GPATCH2: variants seen among roughly 807,000 people sequenced by gnomAD.
GPATCH2 encodes the protein G-patch domain containing 2.
GPATCH2 carries 51 observed loss-of-function variants against 58.0 expected under a neutral mutation model. The observed-to-expected ratio is 0.88, with a 90% confidence interval of 0.70 to 1.11. The LOEUF (loss-of-function observed/expected upper bound fraction) is 1.11, where lower values mean the gene tolerates loss of function less well. Among genes scored for constraint, GPATCH2 ranks in the 50% most tolerant of loss-of-function variants. The pLI is 0.00. For synonymous variants in GPATCH2, 222 were observed against 218.5 expected, an observed-to-expected ratio of 1.02 and a Z score of -0.14; for missense variants, 625 against 652.2, an observed-to-expected ratio of 0.96 and a Z score of 0.45.
chr1:217,500,751 T>G (rs566686145), intron 6 of GPATCH2, among the ~76,000 whole-genome samples: 178 of 151,802 alleles, frequency 1.2e-3, no homozygotes, highest in African/African-American at 4.0e-3. Flanking sequence ...TTAGTTTTTG[T>G]TTTTTTTCTC....
intron 8 of GPATCH2, among the ~76,000 whole-genome samples, chr1:217,452,499 T>C (rs1412633191): frequency 6.6e-6 from 1 of 152,188 alleles, no homozygotes; most frequent in African/African-American, 2.4e-5. Context: ...ATTTACTTTG[T>C]TTTTGCACTA....
intron 5 of GPATCH2, among the ~76,000 whole-genome samples, chr1:217,529,589 C>A (rs373014087): frequency 1.0e-3 from 157 of 152,270 alleles, no homozygotes; most frequent in African/African-American, 3.7e-3. Flanking sequence ...CCTTGAAATT[C>A]TCAGCATGCA....
intron 5 of GPATCH2, among the ~76,000 whole-genome samples, chr1:217,549,161 C>T (rs1165815756): frequency 6.6e-6 from 1 of 152,200 alleles, no homozygotes; most frequent in East Asian, 1.9e-4. Flanking sequence ...AAGGCCACAG[C>T]CTCTCAGTTC....
intron 5 of GPATCH2, among the ~76,000 whole-genome samples, chr1:217,587,412 T>C (rs1176819956): frequency 6.6e-6 from 1 of 152,092 alleles, no homozygotes; most frequent in Non-Finnish European, 1.5e-5. Flanking sequence ...AAATCCGAGA[T>C]TAAATTTTTA....
chr1:217,512,779 C>T (rs1294213838), intron 6 of GPATCH2, among the ~76,000 whole-genome samples: 2 of 152,178 alleles, frequency 1.3e-5, no homozygotes, highest in South Asian at 2.1e-4. Flanking sequence ...AGATGATAAA[C>T]CCCTTACTTT....
At chr1:217,476,543 A>G (rs966401512) in intron 8 of GPATCH2, among the ~76,000 whole-genome samples, 6 of 152,236 alleles carry the variant, frequency 3.9e-5, no homozygotes, top group African/African-American at 1.4e-4. Flanking sequence ...CTGGTGGTGT[A>G]GTATGAAAGC....
intron 5 of GPATCH2, among the ~76,000 whole-genome samples, chr1:217,552,596 AG>A (rs1665418978): frequency 6.6e-6 from 1 of 152,176 alleles, no homozygotes; most frequent in African/African-American, 2.4e-5. Context: ...CAGGCCCCAA[AG>A]GGGTTCCAAA....
At chr1:217,621,051 C>T (rs1318753524) in intron 1 of GPATCH2, among the ~76,000 whole-genome samples, 1 of 152,210 alleles carries the variant, frequency 6.6e-6, no homozygotes, top group Non-Finnish European at 1.5e-5. Context: ...TTAGGCCACA[C>T]TAATCTCTTA....
At position 217,628,486 on chromosome 1, in the gene GPATCH2, A is replaced by G. The variant is rs563446457; in HGVS notation, c.56+2430T>C. 1.4e-4 allele frequency among the ~76,000 whole-genome samples: 21 copies of G among 152,208 alleles called. No homozygotes were observed. In the East Asian group the frequency reaches 3.9e-3, roughly 28 times the overall value. ...AACAAAAACCTGACTCAAACCTGCC[A>G]GTATGCAACTAAGTTCAAGACTAAC... On this transcript the variant is annotated intron_variant, in intron 1 of 9. Transcript: ENST00000366935.
chr1:217,442,402 G>C (rs1659182854), intron 9 of GPATCH2, among the ~76,000 whole-genome samples: 1 of 152,096 alleles, frequency 6.6e-6, no homozygotes, highest in African/African-American at 2.4e-5. Flanking sequence ...ATGACAGGTT[G>C]ATGGGTACAG....
intron 8 of GPATCH2, among the ~76,000 whole-genome samples, chr1:217,467,518 G>A (rs1660518853): frequency 6.6e-6 from 1 of 152,064 alleles, no homozygotes; most frequent in Admixed American, 6.5e-5. Context: ...ATGACAGTAT[G>A]GTGATTCTGA....
rs1157768816 is a variant in GPATCH2, at chr1:217,631,073, G to C, written c.-102C>G. 6.9e-6 allele frequency: 8 copies of C among 1,158,382 alleles called. No individual in the cohort carries two copies. The highest frequency in any genetic ancestry group is 9.8e-6 in the Non-Finnish European group (8 of 819,978). 71.8% of individuals were successfully genotyped at this position (1,158,382 alleles called of 1,614,324 possible). A position where few individuals can be genotyped will look rare whatever the true frequency, so the allele number is the denominator to read the frequency against. On this transcript the variant is annotated 5_prime_UTR_variant, in exon 1 of 10. Coordinates refer to ENST00000366935, the MANE Select transcript of GPATCH2 (RefSeq NM_018040.5). Reference sequence around the variant, plus strand: ...AAAGAGCAGTTCAGCATTTTGAGATGAGCTTCCGGAAGCCGACAGGCGGCG... The same window carrying C: ...AAAGAGCAGTTCAGCATTTTGAGATCAGCTTCCGGAAGCCGACAGGCGGCG...
chr1:217,526,974 A>G (rs1053574263), intron 5 of GPATCH2, among the ~76,000 whole-genome samples: 2 of 152,196 alleles, frequency 1.3e-5, no homozygotes, highest in African/African-American at 2.4e-5. Flanking sequence ...CTGTGTCCCC[A>G]TCAGCCCCAG....
Position 217,571,710 on chromosome 1 carries a change from A to C in GPATCH2, c.1098+38611T>G, listed in dbSNP as rs575454799. On this transcript the variant is annotated intron_variant, in intron 5 of 9. Coordinates refer to ENST00000366935, the MANE Select transcript of GPATCH2 (RefSeq NM_018040.5). ...GAAGAACAAAAACGAAACCAAAAAA[A>C]AAAAAAAAAACAAAAAAGAAGAAAA... 6.1e-3 allele frequency among the ~76,000 whole-genome samples: 912 copies of C among 148,716 alleles called. 11 individuals carry two copies. The highest frequency in any genetic ancestry group is 0.02 in the African/African-American group (831 of 40,966).
chr1:217,455,946 G>A (rs993512759), intron 8 of GPATCH2, among the ~76,000 whole-genome samples: 22 of 151,972 alleles, frequency 1.4e-4, no homozygotes, highest in African/African-American at 5.3e-4. Context: ...GAAGAATTTG[G>A]CTGGGGATAG....
At chr1:217,599,577 T>C (rs193000502) in intron 5 of GPATCH2, among the ~76,000 whole-genome samples, 1 of 152,284 alleles carries the variant, frequency 6.6e-6, no homozygotes, top group East Asian at 1.9e-4. Flanking sequence ...GTCTCTTTCT[T>C]TGCTCCCCTT....
intron 6 of GPATCH2, among the ~76,000 whole-genome samples, chr1:217,504,369 G>A (rs761960447): frequency 6.6e-6 from 1 of 152,086 alleles, no homozygotes; most frequent in Admixed American, 6.6e-5. Context: ...CAATGTCTCT[G>A]CCGATATATC....
Position 217,611,017 on chromosome 1 carries a change from C to T in GPATCH2, c.890G>A (p.Gly297Asp). The T allele has an allele frequency of 6.2e-7, 1 of 1,613,576 alleles. No individual in the cohort carries two copies. The highest frequency in any genetic ancestry group is 8.5e-7 in the Non-Finnish European group (1 of 1,179,748). The change falls in exon 4 of 10, where the codon GGT becomes GAT. Residue 297 changes from glycine (G) to aspartate (D), a missense_variant. Physicochemically the swap from Gly to Asp is moderately conservative, Grantham distance 94. Transcript: ENST00000366935. ...FYEKESGGAC[G>D]ITGVVPWWEK... is the part of the protein sequence containing the mutation. ...CCACCAGGGCACAACTCCAGTGATA[C>T]CACATGCTCCACCTGATTCCTTTTC...
At chr1:217,628,240 C>T (rs1180430200) in intron 1 of GPATCH2, among the ~76,000 whole-genome samples, 2 of 151,986 alleles carry the variant, frequency 1.3e-5, no homozygotes, top group Admixed American at 1.3e-4. Flanking sequence ...AACATAATGA[C>T]TAAAACTTTT....
Sources: gnomAD v4.1 joint callset for allele counts (sites outside exome capture counted in the v4.1 genomes callset) on GRCh38, gnomAD v4.1.1 for gene constraint, MANE v1.5 for transcripts, NCBI Gene and HGNC (gene_info 2026-07-23, HGNC 2026-07-21) for gene names.